CACNA1D: variants seen among roughly 807,000 people sequenced by gnomAD.
CACNA1D encodes the protein voltage-dependent L-type calcium channel subunit alpha-1D.
A neutral mutation model predicts 257.1 loss-of-function variants in CACNA1D; 55 were observed. That is an observed-to-expected ratio of 0.21 (90% CI 0.17 to 0.27). CACNA1D has a LOEUF of 0.27. Among genes scored for constraint, CACNA1D ranks in the 10% least tolerant of loss-of-function variants. The probability of loss-of-function intolerance (pLI) is 1.00; values close to 1 mark genes in which losing one functional copy is unlikely to be tolerated. For missense variants in CACNA1D, 1,876 were observed against 2,784.0 expected, an observed-to-expected ratio of 0.67 and a Z score of 7.34; for synonymous variants, 980 against 1,014.9, an observed-to-expected ratio of 0.97 and a Z score of 0.65.
chr3:53,772,172 A>G (rs563204658), intron 32 of CACNA1D, among the ~76,000 whole-genome samples: 1 of 152,216 alleles, frequency 6.6e-6, no homozygotes, highest in East Asian at 1.9e-4. Context: ...TTATGAAGGG[A>G]GCCACACTTG....
At chr3:53,522,399 G>A (rs2091613417) in intron 3 of CACNA1D, among the ~76,000 whole-genome samples, 1 of 152,130 alleles carries the variant, frequency 6.6e-6, no homozygotes, top group South Asian at 2.1e-4. Context: ...CAGACTAGAT[G>A]GTCTGTGGGC....
chr3:53,608,204 TG>T (rs1238413964), intron 3 of CACNA1D, among the ~76,000 whole-genome samples: 1 of 152,220 alleles, frequency 6.6e-6, no homozygotes, highest in African/African-American at 2.4e-5. Context: ...CAGTTTCAAA[TG>T]TTTTGCATAA....
In CACNA1D at chr3:53,805,096, A is replaced by G. The variant is rs772551322; in HGVS notation, c.5699A>G (p.Tyr1900Cys). ...FLEDDDSPVC[Y>C]DSRRSPRRRL... is the part of the protein sequence containing the mutation. Reference sequence around the variant, plus strand: ...GAGGACGATGACTCGCCCGTTTGCTATGATTCACGGAGATCTCCAAGGAGA... The same window carrying G: ...GAGGACGATGACTCGCCCGTTTGCTGTGATTCACGGAGATCTCCAAGGAGA... The change falls in exon 45 of 48, where the codon TAT becomes TGT. Residue 1900 changes from tyrosine (Y) to cysteine (C), a missense_variant. Tyr to Cys is a radical substitution (Grantham distance 194, BLOSUM62 -2). This residue lies in a region of CACNA1D where 491 missense variants were observed against 554.3 expected (regional missense o/e 0.89). Transcript: ENST00000350061. The G allele has an allele frequency of 8.7e-6, 14 of 1,613,962 alleles. No homozygotes were observed. Among genetic ancestry groups the G allele is most frequent in the South Asian group, 1.1e-5 (1 of 91,066 alleles).
intron 3 of CACNA1D, among the ~76,000 whole-genome samples, chr3:53,648,781 G>A (rs2094051372): frequency 6.6e-6 from 1 of 151,584 alleles, no homozygotes; most frequent in African/African-American, 2.4e-5. Context: ...AGATGAGCTA[G>A]GCTTTCTAAA....
chr3:53,609,409 CAAAAAAAA>C (rs33943272), intron 3 of CACNA1D, among the ~76,000 whole-genome samples: 7 of 79,662 alleles, frequency 8.8e-5, no homozygotes, highest in African/African-American at 3.5e-4. Flanking sequence ...GACTCTACCT[CAAAAAAAA>C]AAAAAAAAAA....
chr3:53,687,683 T>G (rs1448453922), intron 8 of CACNA1D, among the ~76,000 whole-genome samples: 5 of 152,120 alleles, frequency 3.3e-5, no homozygotes, highest in Non-Finnish European at 7.4e-5. Context: ...GACTAGAAAT[T>G]TAAAGGGAAA....
chr3:53,770,146 C>T lies in CACNA1D; in HGVS notation c.3915+129C>T. The T allele has an allele frequency of 3.6e-6, 3 of 844,668 alleles. No homozygotes were observed. In the South Asian group the frequency reaches 4.3e-5, roughly 12 times the overall value. 52.3% of individuals were successfully genotyped at this position (844,668 alleles called of 1,614,324 possible). A position where few individuals can be genotyped will look rare whatever the true frequency, so the allele number is the denominator to read the frequency against. On this transcript the variant is annotated intron_variant, in intron 31 of 47. Coordinates refer to ENST00000350061, the MANE Select transcript of CACNA1D (RefSeq NM_001128840.3). ...CCAGAACAGTGTCTGCAGTGGTTTG[C>T]ATTCATCATCAGTGTCCAGTACTCT...
At position 53,781,838 on chromosome 3, in the gene CACNA1D, G is replaced by A. The variant is rs11707420; in HGVS notation, c.4792+171G>A. Reference sequence around the variant, plus strand: ...CATTTGGTGTGATTATTTTGGGGGTGATATGAAGAACATTCCAGACAAAGG... The same window carrying A: ...CATTTGGTGTGATTATTTTGGGGGTAATATGAAGAACATTCCAGACAAAGG... On this transcript the variant is annotated intron_variant, in intron 39 of 47. Transcript: ENST00000350061. The A allele has an allele frequency of 0.63, 412,521 of 655,544 alleles. 134,282 individuals are homozygous for A. The highest frequency in any genetic ancestry group is 0.7 in the Middle Eastern group (2,561 of 3,634). The allele number at this position is 655,544 out of a possible 1,614,324, so 40.6% of individuals were successfully genotyped here. A position where few individuals can be genotyped will look rare whatever the true frequency, so the allele number is the denominator to read the frequency against.
chr3:53,731,716 A>G (rs2094994679), intron 17 of CACNA1D, among the ~76,000 whole-genome samples: 1 of 152,222 alleles, frequency 6.6e-6, no homozygotes, highest in Non-Finnish European at 1.5e-5. Flanking sequence ...AGACAGGAGT[A>G]TGAGATGCAT....
intron 9 of CACNA1D, among the ~76,000 whole-genome samples, chr3:53,707,547 C>T (rs1286995613): frequency 6.6e-6 from 1 of 152,194 alleles, no homozygotes; most frequent in Non-Finnish European, 1.5e-5. Flanking sequence ...GCTGGTGTTA[C>T]ACAATTAACT....
chr3:53,622,418 A>G (rs1186306944), intron 3 of CACNA1D, among the ~76,000 whole-genome samples: 1 of 152,242 alleles, frequency 6.6e-6, no homozygotes. Flanking sequence ...AACTTTATTC[A>G]TAATAAGAAA....
intron 4 of CACNA1D, among the ~76,000 whole-genome samples, chr3:53,651,202 G>C (rs1238761183): frequency 6.6e-6 from 1 of 151,990 alleles, no homozygotes; most frequent in East Asian, 1.9e-4. Flanking sequence ...ACACGGTCTT[G>C]GATCTCCAGA....
chr3:53,758,311 C>A (rs1347447694), intron 29 of CACNA1D, among the ~76,000 whole-genome samples: 1 of 152,202 alleles, frequency 6.6e-6, no homozygotes, highest in Non-Finnish European at 1.5e-5. Context: ...GGTAAGAGAT[C>A]TGGCTGCCAT....
intron 40 of CACNA1D, among the ~76,000 whole-genome samples, chr3:53,787,768 G>A (rs372654834): frequency 6.6e-6 from 1 of 152,174 alleles, no homozygotes; most frequent in East Asian, 1.9e-4. Context: ...TGGTCTGTGA[G>A]TGCCGTGGAT....
At chr3:53,508,592 G>C (rs2090964881) in intron 3 of CACNA1D, among the ~76,000 whole-genome samples, 1 of 152,156 alleles carries the variant, frequency 6.6e-6, no homozygotes. Flanking sequence ...CTTAATCTCA[G>C]CTTAAGTTCG....
At chr3:53,577,402 G>A (rs962853133) in intron 3 of CACNA1D, among the ~76,000 whole-genome samples, 5 of 152,132 alleles carry the variant, frequency 3.3e-5, no homozygotes, top group African/African-American at 4.8e-5. Flanking sequence ...ATGTGGTGGC[G>A]AAATAGCCAC....
intron 3 of CACNA1D, among the ~76,000 whole-genome samples, chr3:53,614,291 G>A (rs2093613928): frequency 6.6e-6 from 1 of 152,186 alleles, no homozygotes; most frequent in South Asian, 2.1e-4. Flanking sequence ...GGATGGTGGG[G>A]AAGTCTCTCT....
rs1265286403 is a variant in CACNA1D, at chr3:53,749,379, C to T, written c.3426C>T (p.Phe1142=). The T allele has an allele frequency of 1.2e-6, 2 of 1,611,634 alleles. No individual in the cohort carries two copies. The highest frequency in any genetic ancestry group is 1.7e-6 in the Non-Finnish European group (2 of 1,177,834). The change falls in exon 27 of 48, where the codon TTC becomes TTT. Residue 1142 remains phenylalanine, a synonymous_variant. Transcript: ENST00000350061. ...TCTACATCATCATTGTAGCTTTCTT[C>T]ATGATGAACATCTTTGTGGGCTTTG... ...FIIYIIIVAF[F]MMNIFVGFVI... is the part of the protein sequence containing the mutation.
chr3:53,650,759 T>C lies in CACNA1D; in HGVS notation c.484-20T>C. ...CCCTGCCCCTGCTTTTTTGGTATGT[T>C]TCTTTGTTTTTCTTCACAGGAAAAA... On this transcript the variant is annotated intron_variant, in intron 3 of 47. Coordinates refer to ENST00000350061, the MANE Select transcript of CACNA1D (RefSeq NM_001128840.3). 1 of 1,613,548 alleles carries C rather than the reference T, an allele frequency of 6.2e-7. No individual in the cohort carries two copies. Among genetic ancestry groups the C allele is most frequent in the Non-Finnish European group, 8.5e-7 (1 of 1,179,724 alleles).
Sources: allele counts gnomAD v4.1 joint callset (sites outside exome capture counted in the v4.1 genomes callset), GRCh38; gene constraint gnomAD v4.1.1; regional missense constraint gnomAD v4.1.1; transcripts MANE v1.5; gene names NCBI Gene and HGNC (gene_info 2026-07-23, HGNC 2026-07-21).